The following CEP290 variants were observed in gnomAD, a reference collection of about 807,000 sequenced individuals.
CEP290 encodes centrosomal protein of 290 kDa.
A neutral mutation model predicts 344.9 loss-of-function variants in CEP290; 317 were observed. That is an observed-to-expected ratio of 0.92 (90% CI 0.84 to 1.01). The LOEUF is 1.01. Among genes scored for constraint, CEP290 ranks in the 50% least tolerant of loss-of-function variants. The pLI is 0.00. For synonymous variants in CEP290, 932 were observed against 895.8 expected (o/e 1.04, Z -0.72); for missense variants, 2,754 against 2,761.4 (o/e 1.00, Z 0.06).
At chr12:88,110,532 G>C (rs943587518) in intron 22 of CEP290, among the ~76,000 whole-genome samples, 2 of 151,758 alleles carry the variant, frequency 1.3e-5, no homozygotes, top group Non-Finnish European at 2.9e-5. Context: ...CCAATATGAC[G>C]ACACACCATC....
intron 38 of CEP290, 89 bp downstream of exon 38, chr12:88,080,093 T>C: frequency 1.2e-6 from 1 of 827,566 alleles, no homozygotes; most frequent in Non-Finnish European, 1.9e-6. Context: ...AGATTTATAC[T>C]ACCATCTTTT....
chr12:88,122,335 G>C (rs966333282), intron 13 of CEP290, among the ~76,000 whole-genome samples: 2 of 152,028 alleles, frequency 1.3e-5, no homozygotes, highest in African/African-American at 4.8e-5. Flanking sequence ...TTGCTGTTTG[G>C]GACACAGACA....
intron 52 of CEP290, among the ~76,000 whole-genome samples, chr12:88,052,605 T>C (rs1240256769): frequency 2.6e-5 from 4 of 152,174 alleles, no homozygotes; most frequent in Non-Finnish European, 4.4e-5. Context: ...CCACTGCTGC[T>C]ACGGGAAATA....
chr12:88,109,235 C>A, intron 22 of CEP290, 54 bp from the exon 23 acceptor site: 1 of 630,018 alleles, frequency 1.6e-6, no homozygotes. Context: ...AGAATAAATG[C>A]TGAATTTGAA....
rs1006780282 is a variant in CEP290 at position 88,053,702 on chromosome 12, T to G, written c.7079A>C (p.His2360Pro). 4.4e-5 allele frequency: 69 copies of G among 1,554,680 alleles called. No homozygotes were observed. The highest frequency in any genetic ancestry group is 6.0e-5 in the Non-Finnish European group (69 of 1,147,096). Residue 2360 changes from histidine (H) to proline (P), a missense_variant, in exon 52 of 54, where the codon CAT becomes CCT. By Grantham distance (77) the His-to-Pro change is moderately conservative (BLOSUM62 -2). Coordinates refer to ENST00000552810, the MANE Select transcript of CEP290 (RefSeq NM_025114.4). ...QLDKEKAELI[H>P]QIEANKDQSG... Reference sequence around the variant, plus strand: ...TTGGTCCTTGTTAGCTTCTATCTGATGGATTAATTCTGCTTTCTCTTTATC... The same window carrying G: ...TTGGTCCTTGTTAGCTTCTATCTGAGGGATTAATTCTGCTTTCTCTTTATC...
At chr12:88,060,042 TAAA>T (rs1486570168) in intron 47 of CEP290, 22 bp from the exon 48 acceptor site, 1 of 1,488,680 alleles carries the variant, frequency 6.7e-7, no homozygotes, top group Non-Finnish European at 9.0e-7. Flanking sequence ...ACAAACAAAA[TAAA>T]AAGTATACAT....
Position 88,109,152 on chromosome 12 carries a change from CT to C in CEP290, c.2396del (p.Lys799ArgfsTer3). On this transcript the variant is annotated frameshift_variant, in exon 23 of 54. Transcript: ENST00000552810. LOFTEE classifies it high-confidence loss of function. ...QELENKEKKL[K>X]NLEDSLEDYN... ...AATCTTCAAGAGAATCTTCTAAATT[CT>C]TTAACTTTTTTTCTTTATTTTCTAG... 1 of 1,394,062 alleles carries C rather than the reference CT, an allele frequency of 7.2e-7. No individual in the cohort carries two copies. Among genetic ancestry groups the C allele is most frequent in the African/African-American group, 1.5e-5 (1 of 66,902 alleles). The allele number at this position is 1,394,062 out of a possible 1,614,324, so 86.4% of individuals were successfully genotyped here.
intron 44 of CEP290, among the ~76,000 whole-genome samples, chr12:88,066,057 GA>G (rs1368886367): frequency 6.6e-6 from 1 of 151,956 alleles, no homozygotes; most frequent in Non-Finnish European, 1.5e-5. Flanking sequence ...ATTAGCATGT[GA>G]AAAAAAGTGT....
At chr12:88,115,036 G>A (rs2038954263) in intron 19 of CEP290, 62 bp downstream of exon 19, 1 of 841,404 alleles carries the variant, frequency 1.2e-6, no homozygotes, top group South Asian at 1.6e-5. Flanking sequence ...CGCCCTTTTA[G>A]GCCCATGATT....
At chr12:88,078,536 G>A (rs887268712) in intron 39 of CEP290, among the ~76,000 whole-genome samples, 2 of 152,012 alleles carry the variant, frequency 1.3e-5, no homozygotes, top group Admixed American at 1.3e-4. Flanking sequence ...GAATGAAGAA[G>A]AGAGGCACAG....
chr12:88,078,417 TG>T (rs1435125926), intron 39 of CEP290, among the ~76,000 whole-genome samples: 6 of 152,050 alleles, frequency 3.9e-5, no homozygotes, highest in Non-Finnish European at 8.8e-5. Flanking sequence ...GTGAGAATGA[TG>T]GGGACACACT....
At chr12:88,117,787 C>T (rs924286178) in intron 17 of CEP290, among the ~76,000 whole-genome samples, 3 of 152,182 alleles carry the variant, frequency 2.0e-5, no homozygotes, top group Non-Finnish European at 2.9e-5. Flanking sequence ...ATAATTCCAG[C>T]ACTTTGGGGA....
At chr12:88,139,000 C>A in intron 5 of CEP290, 145 bp downstream of exon 5, 1 of 516,544 alleles carries the variant, frequency 1.9e-6, no homozygotes, top group Non-Finnish European at 3.5e-6. Flanking sequence ...ACATAATAGG[C>A]ATGTAGAACA....
Position 88,062,741 on chromosome 12 carries a change from A to G in CEP290, c.6308T>C (p.Leu2103Pro). The G allele has an allele frequency of 1.9e-6, 3 of 1,597,426 alleles. No homozygotes were observed. The highest frequency in any genetic ancestry group is 2.6e-6 in the Non-Finnish European group (3 of 1,170,884). ...VRDLKEMCEF[L>P]KKEKAEVQRK... ...CTGAACTTCTGCTTTTTCTTTCTTAAGAAATTCACACATTTCCTTCAAATC... is the reference window on the plus strand; with the variant it reads ...CTGAACTTCTGCTTTTTCTTTCTTAGGAAATTCACACATTTCCTTCAAATC... Residue 2103 changes from leucine to proline, a missense_variant, in exon 46 of 54, where the codon CTT becomes CCT. Transcript: ENST00000552810.
At chr12:88,130,018 A>G in intron 9 of CEP290, 142 bp from the exon 10 acceptor site, 3 of 642,342 alleles carry the variant, frequency 4.7e-6, no homozygotes, top group Non-Finnish European at 7.4e-6. Context: ...GGCATTGACC[A>G]ATTAAATCAA....
At chr12:88,075,755 C>T (rs550618326) in intron 41 of CEP290, among the ~76,000 whole-genome samples, 11 of 152,166 alleles carry the variant, frequency 7.2e-5, no homozygotes, top group African/African-American at 2.6e-4. Flanking sequence ...AGCAATGAAC[C>T]TGAAAAAATA....
intron 36 of CEP290, 26 bp from the exon 37 acceptor site, chr12:88,083,256 T>C (rs750295379): frequency 7.8e-6 from 10 of 1,287,314 alleles, no homozygotes; most frequent in African/African-American, 4.7e-5. Context: ...ATATTAGCAA[T>C]AGGCATGTAT....
intron 35 of CEP290, 124 bp downstream of exon 35, chr12:88,084,462 A>C: frequency 1.1e-6 from 1 of 903,084 alleles, no homozygotes; most frequent in Admixed American, 2.6e-5. Context: ...ACATGCAAGT[A>C]ACAATTCTTA....
At position 88,107,797 on chromosome 12, in the gene CEP290, G is replaced by A. The variant is rs2038396142; in HGVS notation, c.2484-699C>T. 1.3e-5 allele frequency among the ~76,000 whole-genome samples: 2 copies of A among 151,888 alleles called. 1 individual carries two copies. The highest frequency in any genetic ancestry group is 1.3e-4 in the Admixed American group (2 of 15,232). ...CATGCCTGTAATCTCAGCTACTTGG[G>A]AGGCTGAGGCAAGAAAATAACTTGG... On this transcript the variant is annotated intron_variant, in intron 23 of 53. Coordinates refer to ENST00000552810, the MANE Select transcript of CEP290 (RefSeq NM_025114.4).
Sources: gnomAD v4.1 joint callset for allele counts (sites outside exome capture counted in the v4.1 genomes callset) on GRCh38, gnomAD v4.1.1 for gene constraint, MANE v1.5 for transcripts, NCBI Gene and HGNC (gene_info 2026-07-23, HGNC 2026-07-21) for gene names.